Variants in NOTCH1 observed in about 807,000 individuals in gnomAD.
The protein encoded by NOTCH1 is neurogenic locus notch homolog protein 1.
In NOTCH1, 37 loss-of-function variants were observed where a neutral mutation model predicts 254.8. That is an observed-to-expected ratio of 0.15 (90% CI 0.11 to 0.19). The LOEUF is 0.19. Ranked by LOEUF, NOTCH1 falls within the 10% of genes least tolerant of loss-of-function variation. NOTCH1 has a pLI of 1.00. For missense variants in NOTCH1, 2,972 were observed against 3,708.6 expected (o/e 0.80, Z 5.16); for synonymous variants, 1,731 against 1,618.1 (o/e 1.07, Z -1.68).
intron 8 of NOTCH1, 101 bp downstream of exon 8, chr9:136,517,651 G>A: frequency 6.9e-7 from 1 of 1,442,568 alleles, no homozygotes. Flanking sequence ...AAGGCATGGA[G>A]GCTGGGGAAA....
chr9:136,516,878 T>C (rs554071940), intron 9 of NOTCH1, among the ~76,000 whole-genome samples: 68 of 152,022 alleles, frequency 4.5e-4, no homozygotes, highest in African/African-American at 1.6e-3. Context: ...AAACCCTCGC[T>C]CTCCTGGGAA....
Position 136,540,681 on chromosome 9 carries a change from G to A in NOTCH1, c.140+3343C>T, listed in dbSNP as rs1843720427. 6.6e-6 allele frequency among the ~76,000 whole-genome samples: 1 copy of A among 152,052 alleles called. No individual in the cohort carries two copies. Among genetic ancestry groups the A allele is most frequent in the Non-Finnish European group, 1.5e-5 (1 of 68,010 alleles). On this transcript the variant is annotated intron_variant, in intron 2 of 33. Transcript: ENST00000651671. The surrounding 1 kb of genome is among the most constrained non-coding windows in gnomAD (Gnocchi z 4.4). ...TGACCTGATGACCCAAGGTCACAGA[G>A]CTAGTGGCCAGGCCAGGCCTCAGAC...
chr9:136,495,240 A>G lies in NOTCH1; in HGVS notation c.*831T>C. The G allele has an allele frequency of 2.5e-6, 1 of 399,054 alleles. No homozygotes were observed. The allele number at this position is 399,054 out of a possible 1,614,324, so 24.7% of individuals were successfully genotyped here. ...ACAGTCCACACATCTCATGTTTGAC[A>G]TGCATGATGCCTACATTTCAAGAAC... On this transcript the variant is annotated 3_prime_UTR_variant, in exon 34 of 34. Transcript: ENST00000651671.
intron 2 of NOTCH1, among the ~76,000 whole-genome samples, chr9:136,528,398 G>T (rs1425842556): frequency 4.2e-4 from 14 of 33,568 alleles, no homozygotes; most frequent in African/African-American, 3.1e-3. Flanking sequence ...ACAGTGGGGG[G>T]GGATGGGCAG....
In NOTCH1 at chr9:136,515,350, A is replaced by C. The variant is rs764504524; in HGVS notation, c.1954T>G (p.Ser652Ala). ...LDDCASSPCD[S>A]GTCLDKIDGY... ...TCGATCTTGTCCAGACAGGTGCCCG[A>C]GTCGCAGGGGCTGCTGGCACAGTCA... Residue 652 changes from serine (S) to alanine (A), a missense_variant, in exon 12 of 34, where the codon TCG becomes GCG. By Grantham distance (99) the Ser-to-Ala change is moderately conservative. Coordinates refer to ENST00000651671, the MANE Select transcript of NOTCH1 (RefSeq NM_017617.5). The C allele has an allele frequency of 6.2e-7, 1 of 1,613,032 alleles. No homozygotes were observed. Among genetic ancestry groups the C allele is most frequent in the African/African-American group, 1.3e-5 (1 of 75,016 alleles).
In NOTCH1 at chr9:136,522,201, T is replaced by C. The variant is rs548594160; in HGVS notation, c.742+649A>G. On this transcript the variant is annotated intron_variant, in intron 4 of 33. Coordinates refer to ENST00000651671, the MANE Select transcript of NOTCH1 (RefSeq NM_017617.5). The stretch of plus-strand genomic sequence containing the variant: ...GCCGTGTTAGCCAGGATGGTCTCCA[T>C]CTCCTGACCTTGTGATCTGCCCACC... 1.2e-4 allele frequency among the ~76,000 whole-genome samples: 18 copies of C among 152,232 alleles called. 1 individual carries two copies. In the South Asian group the frequency reaches 3.5e-3, roughly 30 times the overall value.
chr9:136,505,909 TCGGGGTGGGCCACCCCCCGCC>T (rs1442925846), intron 24 of NOTCH1, 28 bp from the exon 25 acceptor site: 6 of 1,557,084 alleles, frequency 3.9e-6, no homozygotes, highest in Non-Finnish European at 5.2e-6. Flanking sequence ...CAGGACGGTG[TCGGGGTGGGCCACCCCCCGCC>T]CCCCCGCCAC....
rs2133314443 is a variant in NOTCH1 at position 136,496,229 on chromosome 9, C to T, written c.7510G>A (p.Val2504Met). 1 of 1,606,848 alleles carries T rather than the reference C, an allele frequency of 6.2e-7. No homozygotes were observed. Among genetic ancestry groups the T allele is most frequent in the Non-Finnish European group, 8.5e-7 (1 of 1,176,652 alleles). The change falls in exon 34 of 34, where the codon GTG becomes ATG. Residue 2504 changes from valine to methionine, a missense_variant. Physicochemically the swap from Val to Met is conservative, Grantham distance 21. Around this residue, in one of 8 missense-constraint regions of NOTCH1, gnomAD observed 85 missense variants for 126.1 expected, o/e 0.67. Transcript: ENST00000651671. ...VDNTPSHQLQ[V>M]PEHPFLTPSP... ...GGGGTGAGGAAGGGGTGCTCAGGCACCTGTAGCTGGTGGCTGGGGGTGTTG... is the reference window on the plus strand; with the variant it reads ...GGGGTGAGGAAGGGGTGCTCAGGCATCTGTAGCTGGTGGCTGGGGGTGTTG...
intron 10 of NOTCH1, 46 bp downstream of exon 10, chr9:136,515,935 C>T (rs370954705): frequency 1.3e-5 from 20 of 1,487,730 alleles, no homozygotes; most frequent in Admixed American, 5.3e-5. Context: ...CCTGAGTGCC[C>T]TGTCCCGTCC....
Position 136,508,959 on chromosome 9 carries a change from G to T in NOTCH1, c.3082C>A (p.Gln1028Lys). The change falls in exon 19 of 34, where the codon CAG becomes AAG. Residue 1028 changes from glutamine (Q) to lysine (K), a missense_variant. Gln to Lys is a moderately conservative substitution (Grantham distance 53). Coordinates refer to ENST00000651671, the MANE Select transcript of NOTCH1 (RefSeq NM_017617.5). ...CAGGTGCCGCCATGCAGGCAGGGCTGTGAGTCGCACTCATTGACATCGTGC... is the reference window on the plus strand; with the variant it reads ...CAGGTGCCGCCATGCAGGCAGGGCTTTGAGTCGCACTCATTGACATCGTGC... ...CQHDVNECDS[Q>K]PCLHGGTCQD... 6.4e-7 allele frequency: 1 copy of T among 1,552,516 alleles called. No individual in the cohort carries two copies. The highest frequency in any genetic ancestry group is 8.7e-7 in the Non-Finnish European group (1 of 1,148,730).
At chr9:136,508,718 G>A (rs998954403) in intron 19 of NOTCH1, 152 bp downstream of exon 19, 22 of 769,276 alleles carry the variant, frequency 2.9e-5, no homozygotes, top group African/African-American at 1.6e-4. Flanking sequence ...TTCCTTCACC[G>A]GCTGCTCAGA....
rs55801646 is a variant in NOTCH1, at chr9:136,522,267, A to G, written c.742+583T>C. Reference sequence around the variant, plus strand: ...GCTGGGAGTACAGGCGTGAGCCACCACGCGCGGCCGAGACTGGAGGTTTTC... The same window carrying G: ...GCTGGGAGTACAGGCGTGAGCCACCGCGCGCGGCCGAGACTGGAGGTTTTC... On this transcript the variant is annotated intron_variant, in intron 4 of 33. Coordinates refer to ENST00000651671, the MANE Select transcript of NOTCH1 (RefSeq NM_017617.5). 4.1e-3 allele frequency among the ~76,000 whole-genome samples: 630 copies of G among 152,204 alleles called. 4 individuals are homozygous for G. The highest frequency in any genetic ancestry group is 6.8e-3 in the Middle Eastern group (2 of 294).
rs111851664 is a variant in NOTCH1 at position 136,498,523 on chromosome 9, G to A, written c.6180+376C>T. Among the ~76,000 whole-genome samples the A allele has an allele frequency of 3.5e-3, 526 of 152,282 alleles. 4 individuals are homozygous for A. Among genetic ancestry groups the A allele is most frequent in the African/African-American group, 0.012 (501 of 41,570 alleles). On this transcript the variant is annotated intron_variant, in intron 33 of 33. Coordinates refer to ENST00000651671, the MANE Select transcript of NOTCH1 (RefSeq NM_017617.5). The stretch of plus-strand genomic sequence containing the variant: ...TCACCACATTCCCATCCCCACCCCC[G>A]CCTGGTGACAGCTGGGGACAGAAGG...
chr9:136,539,234 T>C (rs1440600512), intron 2 of NOTCH1, among the ~76,000 whole-genome samples: 1 of 152,262 alleles, frequency 6.6e-6, no homozygotes, highest in Non-Finnish European at 1.5e-5. Flanking sequence ...ACATGTTGGC[T>C]GCTGTTCAGA....
chr9:136,541,947 G>C (rs571069703), intron 2 of NOTCH1, among the ~76,000 whole-genome samples: 2 of 152,266 alleles, frequency 1.3e-5, no homozygotes, highest in African/African-American at 4.8e-5. Context: ...CCAAGAAGGA[G>C]GGGGCGCCAG....
intron 25 of NOTCH1, 47 bp downstream of exon 25, chr9:136,505,263 A>ATT: frequency 6.5e-7 from 1 of 1,545,368 alleles, no homozygotes; most frequent in Non-Finnish European, 8.7e-7. Context: ...GCCAGGCCAC[A>ATT]TCCAAGTTCA....
intron 30 of NOTCH1, 115 bp downstream of exon 30, chr9:136,501,633 T>C (rs1842996475): frequency 7.7e-7 from 1 of 1,293,194 alleles, no homozygotes; most frequent in South Asian, 1.3e-5. Context: ...GGATGAAAGC[T>C]CTCACCCCCA....
intron 21 of NOTCH1, 116 bp from the exon 22 acceptor site, chr9:136,507,553 A>C (rs1016062748): frequency 7.1e-7 from 1 of 1,414,620 alleles, no homozygotes; most frequent in Admixed American, 2.0e-5. Flanking sequence ...GGTCCAGCGA[A>C]GCCACGGGCC....
Position 136,500,567 on chromosome 9 carries a change from T to C in NOTCH1, c.5919A>G (p.Ala1973=), listed in dbSNP as rs781224907. The C allele has an allele frequency of 5.6e-6, 9 of 1,611,314 alleles. No individual in the cohort carries two copies. Among genetic ancestry groups the C allele is most frequent in the Non-Finnish European group, 7.6e-6 (9 of 1,179,894 alleles). The stretch of plus-strand genomic sequence containing the variant: ...CACTGCCTACCTGGAAGACACCTTG[T>C]GCGTCGGCAGACACAGCCGCATGCA... ...TPLHAAVSAD[A]QGVFQILIRN... The change falls in exon 31 of 34, where the codon GCA becomes GCG. Residue 1973 remains alanine, a synonymous_variant. Transcript: ENST00000651671.
Sources: allele counts gnomAD v4.1 joint callset (sites outside exome capture counted in the v4.1 genomes callset), GRCh38; gene constraint gnomAD v4.1.1; regional missense constraint gnomAD v4.1.1; non-coding constraint Gnocchi (gnomAD v3.1); transcripts MANE v1.5; gene names NCBI Gene and HGNC (gene_info 2026-07-23, HGNC 2026-07-21).